Variants in TMTC2 observed in about 807,000 individuals in gnomAD.
TMTC2 encodes the protein protein O-mannosyl-transferase TMTC2.
A neutral mutation model predicts 82.4 loss-of-function variants in TMTC2; 43 were observed. The ratio of observed to expected loss-of-function variants is 0.52; its 90% confidence interval spans 0.41 to 0.67. The LOEUF (loss-of-function observed/expected upper bound fraction) is 0.67. Among genes scored for constraint, TMTC2 ranks in the 30% least tolerant of loss-of-function variants. The pLI, the probability that TMTC2 is intolerant of heterozygous loss-of-function variation, is 0.00. For synonymous variants in TMTC2, 408 were observed against 381.9 expected (o/e 1.07, Z -0.80); for missense variants, 919 against 1,012.4 (o/e 0.91, Z 1.25).
Position 82,789,145 on chromosome 12 carries a change from A to T in TMTC2, c.84-67865A>T, listed in dbSNP as rs532473154. 9.9e-5 allele frequency among the ~76,000 whole-genome samples: 15 copies of T among 152,182 alleles called. No individual in the cohort carries two copies. The South Asian group carries it at 2.9e-3, about 29-fold the overall frequency. ...CCAAATGGCTTCCTCAAGTCTCCAGATTCACGCTTTTGTCGTTTTGAAACC... is the reference window on the plus strand; with the variant it reads ...CCAAATGGCTTCCTCAAGTCTCCAGTTTCACGCTTTTGTCGTTTTGAAACC... On this transcript the variant is annotated intron_variant, in intron 1 of 11. Coordinates refer to ENST00000321196, the MANE Select transcript of TMTC2 (RefSeq NM_152588.3).
intron 2 of TMTC2, among the ~76,000 whole-genome samples, chr12:82,874,607 G>A (rs1348152969): frequency 6.6e-6 from 1 of 152,040 alleles, no homozygotes; most frequent in Non-Finnish European, 1.5e-5. Flanking sequence ...GCTTTCAGAA[G>A]AATCTATTTA....
At chr12:82,882,212 G>C (rs537789094) in intron 2 of TMTC2, among the ~76,000 whole-genome samples, 1 of 151,570 alleles carries the variant, frequency 6.6e-6, no homozygotes, top group East Asian at 1.9e-4. Context: ...TTTTAGCCGG[G>C]ATGGTCTCGA....
At chr12:82,786,891 G>A (rs957260013) in intron 1 of TMTC2, among the ~76,000 whole-genome samples, 12 of 152,102 alleles carry the variant, frequency 7.9e-5, no homozygotes, top group African/African-American at 1.2e-4. Flanking sequence ...GTTGATTTAT[G>A]TATATGGCAT....
At chr12:82,916,785 A>G (rs896554333) in intron 3 of TMTC2, among the ~76,000 whole-genome samples, 2 of 152,302 alleles carry the variant, frequency 1.3e-5, no homozygotes. Context: ...TATTGGGAAT[A>G]CGTTTAGTTT....
At chr12:83,054,970 A>G (rs1882486042) in intron 10 of TMTC2, among the ~76,000 whole-genome samples, 1 of 152,024 alleles carries the variant, frequency 6.6e-6, no homozygotes, top group South Asian at 2.1e-4. Context: ...AGTGTTCTAT[A>G]ACCTACAGAC....
At chr12:82,947,498 A>G (rs1877079312) in intron 4 of TMTC2, among the ~76,000 whole-genome samples, 2 of 149,806 alleles carry the variant, frequency 1.3e-5, no homozygotes, top group Admixed American at 6.6e-5. Context: ...GCCCGCCACC[A>G]TGCCCGGCTA....
chr12:83,086,175 G>A (rs1273579190), intron 11 of TMTC2, among the ~76,000 whole-genome samples: 2 of 152,140 alleles, frequency 1.3e-5, no homozygotes, highest in African/African-American at 4.8e-5. Flanking sequence ...GTTGCACGGT[G>A]GCCGGGCAGA....
intron 8 of TMTC2, among the ~76,000 whole-genome samples, chr12:82,996,139 A>G (rs765615744): frequency 2.0e-5 from 3 of 152,260 alleles, no homozygotes; most frequent in Non-Finnish European, 2.9e-5. Flanking sequence ...GAATTTTAAC[A>G]TAGCTACTGG....
intron 1 of TMTC2, among the ~76,000 whole-genome samples, chr12:82,694,653 C>A (rs1872713819): frequency 6.6e-6 from 1 of 152,076 alleles, no homozygotes; most frequent in Non-Finnish European, 1.5e-5. Flanking sequence ...CACATTAGTG[C>A]CCTTGGAATA....
intron 4 of TMTC2, among the ~76,000 whole-genome samples, chr12:82,932,820 A>G (rs1876116123): frequency 6.6e-6 from 1 of 152,162 alleles, no homozygotes; most frequent in Admixed American, 6.5e-5. Context: ...AACGTTGCCC[A>G]CCTCTTTGTG....
chr12:83,062,909 C>A (rs1193303720), intron 11 of TMTC2, among the ~76,000 whole-genome samples: 1 of 151,718 alleles, frequency 6.6e-6, no homozygotes, highest in Non-Finnish European at 1.5e-5. Context: ...AATCTCAACG[C>A]CTCGAAGTTT....
chr12:82,728,662 C>T (rs1273742649), intron 1 of TMTC2, among the ~76,000 whole-genome samples: 3 of 152,258 alleles, frequency 2.0e-5, no homozygotes, highest in African/African-American at 7.2e-5. Context: ...TTGGCGCCCA[C>T]TCTGGTCACG....
intron 11 of TMTC2, among the ~76,000 whole-genome samples, chr12:83,104,760 A>G (rs1884340588): frequency 6.6e-6 from 1 of 152,318 alleles, no homozygotes; most frequent in Admixed American, 6.5e-5. Context: ...TGGTTCTGCA[A>G]ATACCTCTAG....
At chr12:82,921,509 C>A (rs2137228863) in intron 3 of TMTC2, among the ~76,000 whole-genome samples, 1 of 152,238 alleles carries the variant, frequency 6.6e-6, no homozygotes, top group Non-Finnish European at 1.5e-5. Flanking sequence ...TCCTTCTCCC[C>A]TTCCCATTCT....
intron 1 of TMTC2, among the ~76,000 whole-genome samples, chr12:82,810,561 T>C (rs1318051161): frequency 1.3e-5 from 2 of 152,108 alleles, no homozygotes; most frequent in Non-Finnish European, 2.9e-5. Context: ...AAGTTTTGTA[T>C]TTTCCAGCAA....
chr12:82,826,473 G>C (rs1272604490), intron 1 of TMTC2, among the ~76,000 whole-genome samples: 1 of 152,002 alleles, frequency 6.6e-6, no homozygotes, highest in Non-Finnish European at 1.5e-5. Flanking sequence ...GCTAAGTTTA[G>C]AGTCCAAAGT....
chr12:83,052,375 G>A (rs1479541123), intron 10 of TMTC2, among the ~76,000 whole-genome samples: 3 of 152,036 alleles, frequency 2.0e-5, no homozygotes, highest in Non-Finnish European at 4.4e-5. Context: ...CAAGAAAGCT[G>A]ACACCTACAA....
intron 1 of TMTC2, among the ~76,000 whole-genome samples, chr12:82,846,625 G>A (rs767955499): frequency 1.8e-4 from 28 of 152,090 alleles, no homozygotes; most frequent in Admixed American, 7.2e-4. Flanking sequence ...CTCGTAAAGG[G>A]ATGGAAGCGG....
At chr12:83,064,583 T>G (rs1020073771) in intron 11 of TMTC2, among the ~76,000 whole-genome samples, 8 of 151,842 alleles carry the variant, frequency 5.3e-5, no homozygotes, top group African/African-American at 1.9e-4. Context: ...TCTAGGTGAG[T>G]AAAACACCAC....
Sources: allele counts gnomAD v4.1 joint callset (sites outside exome capture counted in the v4.1 genomes callset), GRCh38; gene constraint gnomAD v4.1.1; transcripts MANE v1.5; gene names NCBI Gene and HGNC (gene_info 2026-07-23, HGNC 2026-07-21).